Variants in SLC9A9 observed in about 807,000 individuals in gnomAD.
SLC9A9 encodes the protein solute carrier family 9 member A9, also known as sodium/hydrogen exchanger 9.
Under a neutral mutation model 77.8 loss-of-function variants are expected in SLC9A9, and 62 were observed. The observed-to-expected ratio is 0.80, with a 90% confidence interval of 0.65 to 0.98. The LOEUF is 0.98. SLC9A9 is among the 50% of genes least tolerant of loss of function. SLC9A9 has a pLI of 0.00. For synonymous variants in SLC9A9, 320 were observed against 283.5 expected (o/e 1.13, Z -1.29); for missense variants, 775 against 774.9 (o/e 1.00, Z 0.00).
chr3:143,744,636 T>TA (rs1384108554), intron 4 of SLC9A9, among the ~76,000 whole-genome samples: 4 of 152,228 alleles, frequency 2.6e-5, no homozygotes, highest in African/African-American at 9.6e-5. Flanking sequence ...AACTAGAACT[T>TA]ACCATTCTGT....
intron 14 of SLC9A9, among the ~76,000 whole-genome samples, chr3:143,330,940 C>T (rs142664183): frequency 1.1e-4 from 16 of 152,276 alleles, no homozygotes; most frequent in Non-Finnish European, 2.1e-4. Context: ...TCTGTAGTGA[C>T]GCTGATTTAA....
chr3:143,827,628 G>A (rs533719075), intron 2 of SLC9A9, among the ~76,000 whole-genome samples: 9 of 152,094 alleles, frequency 5.9e-5, no homozygotes, highest in Non-Finnish European at 8.8e-5. Flanking sequence ...CTCTAAGCAC[G>A]TCAATGCCTA....
intron 6 of SLC9A9, among the ~76,000 whole-genome samples, chr3:143,596,137 G>A (rs986615941): frequency 1.3e-5 from 2 of 152,130 alleles, no homozygotes; most frequent in Non-Finnish European, 2.9e-5. Context: ...GTTTAGTAAA[G>A]CCTGGATCAC....
chr3:143,728,586 C>A (rs148894733), intron 4 of SLC9A9, among the ~76,000 whole-genome samples: 21 of 152,144 alleles, frequency 1.4e-4, no homozygotes, highest in Non-Finnish European at 3.1e-4. Context: ...TTTCAAGCAG[C>A]ATGGGAAGGT....
At chr3:143,752,770 CATTGTTAAA>C (rs2006779000) in intron 4 of SLC9A9, among the ~76,000 whole-genome samples, 1 of 150,272 alleles carries the variant, frequency 6.7e-6, no homozygotes, top group African/African-American at 2.5e-5. Flanking sequence ...GTAGGTAGAA[CATTGTTAAA>C]ATGGATAAAA....
In SLC9A9 at chr3:143,624,867, A is replaced by G. The variant is rs550950998; in HGVS notation, c.755+27388T>C. Among the ~76,000 whole-genome samples, 458 of 152,348 alleles carry G rather than the reference A, an allele frequency of 3.0e-3. 2 individuals are homozygous for G. Among genetic ancestry groups the G allele is most frequent in the African/African-American group, 9.4e-3 (390 of 41,576 alleles). On this transcript the variant is annotated intron_variant, in intron 6 of 15. Transcript: ENST00000316549. ...CATGATTGTATATCTAGAAAACCCC[A>G]TCATCTCAGCCCAAAATCTCCTTAA...
At chr3:143,635,615 G>C (rs892067606) in intron 6 of SLC9A9, among the ~76,000 whole-genome samples, 1 of 152,220 alleles carries the variant, frequency 6.6e-6, no homozygotes, top group African/African-American at 2.4e-5. Context: ...CTCCAGCAGA[G>C]TCCTTGGCTA....
chr3:143,329,617 C>T (rs1293189531), intron 14 of SLC9A9, among the ~76,000 whole-genome samples: 1 of 152,170 alleles, frequency 6.6e-6, no homozygotes. Flanking sequence ...AGCTGCAGTC[C>T]GCCCATCGTC....
intron 12 of SLC9A9, among the ~76,000 whole-genome samples, chr3:143,410,616 A>C (rs2034078168): frequency 6.6e-6 from 1 of 152,206 alleles, no homozygotes. Flanking sequence ...TTGCTGCAGA[A>C]TTATTTCTAC....
At chr3:143,657,210 A>G (rs61452232) in intron 5 of SLC9A9, among the ~76,000 whole-genome samples, 14,994 of 152,194 alleles carry the variant, frequency 0.099, 839 homozygotes, top group Non-Finnish European at 0.13. Flanking sequence ...TGAGAGAAAC[A>G]ATGCCAGATC....
intron 5 of SLC9A9, among the ~76,000 whole-genome samples, chr3:143,666,331 ATC>A (rs1029581553): frequency 6.6e-6 from 1 of 152,218 alleles, no homozygotes; most frequent in Admixed American, 6.5e-5. Context: ...GATGGGACAT[ATC>A]TCAAAATAAT....
At chr3:143,576,341 G>A (rs141235704) in intron 7 of SLC9A9, among the ~76,000 whole-genome samples, 122 of 152,298 alleles carry the variant, frequency 8.0e-4, no homozygotes, top group Non-Finnish European at 1.6e-4. Context: ...ACACAGTAAC[G>A]TTTTCAATAA....
intron 4 of SLC9A9, among the ~76,000 whole-genome samples, chr3:143,781,617 T>C (rs2007884639): frequency 6.6e-6 from 1 of 152,188 alleles, no homozygotes; most frequent in African/African-American, 2.4e-5. Context: ...CACATAGGTG[T>C]TGAAATCACG....
chr3:143,818,458 C>T (rs538127941), intron 2 of SLC9A9, among the ~76,000 whole-genome samples: 4 of 152,112 alleles, frequency 2.6e-5, no homozygotes, highest in Admixed American at 6.5e-5. Context: ...AGGGATGCAC[C>T]GCCACGCCCA....
intron 9 of SLC9A9, among the ~76,000 whole-genome samples, chr3:143,530,439 G>A (rs2036487222): frequency 6.6e-6 from 1 of 152,140 alleles, no homozygotes; most frequent in Middle Eastern, 3.4e-3. Flanking sequence ...CTTGCCTTTT[G>A]CCTTCTGCCA....
At chr3:143,390,386 C>T (rs2033530445) in intron 12 of SLC9A9, among the ~76,000 whole-genome samples, 1 of 152,152 alleles carries the variant, frequency 6.6e-6, no homozygotes, top group Non-Finnish European at 1.5e-5. Context: ...GGAAACTGTA[C>T]CTCGGTTTCC....
chr3:143,541,617 G>A (rs2036691453), intron 9 of SLC9A9, among the ~76,000 whole-genome samples: 3 of 152,184 alleles, frequency 2.0e-5, no homozygotes, highest in Admixed American at 2.0e-4. Flanking sequence ...TTAATTGACA[G>A]TGCATATCCC....
rs754953982 is a variant in SLC9A9, at chr3:143,693,159, TAAAAG to T, written c.649+28_649+32del. On this transcript the variant is annotated intron_variant, in intron 5 of 15. Transcript: ENST00000316549. ...ACATTCAATTTAAATGTTTGATTCT[TAAAAG>T]AAGAAAATATATTATTTGAGCAATT... is the stretch of plus-strand genomic sequence containing the variant. 5.3e-6 allele frequency: 8 copies of T among 1,520,640 alleles called. No homozygotes were observed. The Admixed American group carries it at 1.3e-4, about 26-fold the overall frequency. The allele number at this position is 1,520,640 out of a possible 1,614,324, so 94.2% of individuals were successfully genotyped here. A position where few individuals can be genotyped will look rare whatever the true frequency, so the allele number is the denominator to read the frequency against.
chr3:143,391,644 A>G (rs1298076510), intron 12 of SLC9A9, among the ~76,000 whole-genome samples: 1 of 152,216 alleles, frequency 6.6e-6, no homozygotes, highest in Non-Finnish European at 1.5e-5. Context: ...CAAACGATCA[A>G]ACTTCTCCGA....
Sources: gnomAD v4.1 joint callset for allele counts (sites outside exome capture counted in the v4.1 genomes callset) on GRCh38, gnomAD v4.1.1 for gene constraint, MANE v1.5 for transcripts, NCBI Gene and HGNC (gene_info 2026-07-23, HGNC 2026-07-21) for gene names.